Variants in ZNF45 observed in about 807,000 individuals in gnomAD.
ZNF45 encodes BRC1744.
ZNF45 carries 4 observed loss-of-function variants against 12.0 expected under a neutral mutation model. The observed-to-expected ratio is 0.33, with a 90% CI of 0.16 to 0.76. ZNF45 has a LOEUF of 0.76. Among genes scored for constraint, ZNF45 ranks in the 30% least tolerant of loss-of-function variants. The pLI is 0.60. For missense variants in ZNF45, 700 were observed against 813.0 expected (o/e 0.86, Z 1.69); for synonymous variants, 272 against 279.6 (o/e 0.97, Z 0.27).
intron 9 of ZNF45, among the ~76,000 whole-genome samples, chr19:43,916,861 C>T (rs1972724219): frequency 6.6e-6 from 1 of 151,648 alleles, no homozygotes; most frequent in South Asian, 2.1e-4. Context: ...TCATGCTGAT[C>T]ACAAAATCAT....
At chr19:43,931,637 A>G (rs1171561321) in intron 3 of ZNF45, among the ~76,000 whole-genome samples, 2 of 152,196 alleles carry the variant, frequency 1.3e-5, no homozygotes, top group African/African-American at 2.4e-5. Context: ...TTTAGTCTAT[A>G]ATACACAGAG....
At position 43,913,486 on chromosome 19, in the gene ZNF45, A is replaced by G. The variant is rs1289095128; in HGVS notation, c.1950T>C (p.Ser650=). The part of the protein sequence containing the change: ...YKCEECGKGF[S]WSSSLIIHQR... The stretch of plus-strand genomic sequence containing the variant: ...GATGAATGATAAGACTTGAGCTCCA[A>G]CTGAAGCCCTTCCCACACTCCTCAC... The change falls in exon 10 of 10, where the codon AGT becomes AGC. Residue 650 remains serine (S), a synonymous_variant. Coordinates refer to ENST00000269973, the MANE Select transcript of ZNF45 (RefSeq NM_003425.4). The G allele has an allele frequency of 6.2e-7, 1 of 1,613,632 alleles. No individual in the cohort carries two copies. The highest frequency in any genetic ancestry group is 1.1e-5 in the South Asian group (1 of 91,010).
At position 43,914,475 on chromosome 19, in the gene ZNF45, C is replaced by G; in HGVS notation, c.961G>C (p.Ala321Pro). The G allele has an allele frequency of 1.2e-6, 2 of 1,613,036 alleles. No individual in the cohort carries two copies. Among genetic ancestry groups the G allele is most frequent in the South Asian group, 2.2e-5 (2 of 90,932 alleles). ...TCGCCAGTGTGGATTCGCTCATGAG[C>G]CTGCAGTCGTGAACGCCAACTGAAG... ...KSFSWRSRLQ[A>P]HERIHTGEKP... Residue 321 changes from alanine to proline, a missense_variant, in exon 10 of 10, where the codon GCT becomes CCT. By Grantham distance (27) the Ala-to-Pro change is conservative. Coordinates refer to ENST00000269973, the MANE Select transcript of ZNF45 (RefSeq NM_003425.4).
chr19:43,918,628 G>A (rs555896155), intron 9 of ZNF45, among the ~76,000 whole-genome samples: 3 of 152,186 alleles, frequency 2.0e-5, no homozygotes, highest in South Asian at 2.1e-4. Context: ...ATAAAATTCC[G>A]TTGTTTATAA....
intron 8 of ZNF45, 88 bp from the exon 9 acceptor site, chr19:43,919,050 G>C: frequency 9.3e-7 from 1 of 1,069,714 alleles, no homozygotes; most frequent in Non-Finnish European, 1.4e-6. Flanking sequence ...ATCGTCTTCA[G>C]GACATCAAAC....
chr19:43,913,344 T>G lies in ZNF45; in HGVS notation c.*43A>C. ...ATGTTTTGTCTATGATAGCTCTGAT[T>G]ATTAAAATATTTCAGCACCCATCTG... On this transcript the variant is annotated 3_prime_UTR_variant, in exon 10 of 10. Transcript: ENST00000269973. 2.0e-6 allele frequency: 3 copies of G among 1,517,526 alleles called. No individual in the cohort carries two copies. The highest frequency in any genetic ancestry group is 2.6e-6 in the Non-Finnish European group (3 of 1,134,908). 94.0% of individuals were successfully genotyped at this position (1,517,526 alleles called of 1,614,324 possible). A position where few individuals can be genotyped will look rare whatever the true frequency, so the allele number is the denominator to read the frequency against.
chr19:43,930,385 G>C (rs1254549196), intron 3 of ZNF45, among the ~76,000 whole-genome samples: 1 of 152,200 alleles, frequency 6.6e-6, no homozygotes, highest in Non-Finnish European at 1.5e-5. Context: ...GGGGTGAATA[G>C]GTGACCAGAA....
intron 3 of ZNF45, among the ~76,000 whole-genome samples, chr19:43,930,627 C>T (rs1974059040): frequency 6.6e-6 from 1 of 152,146 alleles, no homozygotes; most frequent in East Asian, 1.9e-4. Flanking sequence ...GTATAAGATG[C>T]CCCTAGAGCT....
chr19:43,918,816 G>A, intron 9 of ZNF45, 54 bp downstream of exon 9: 1 of 1,518,536 alleles, frequency 6.6e-7, no homozygotes, highest in Non-Finnish European at 9.1e-7. Context: ...TGCCAACCTT[G>A]GAATATCTCC....
intron 6 of ZNF45, among the ~76,000 whole-genome samples, chr19:43,923,821 A>G (rs936416821): frequency 2.0e-5 from 3 of 152,152 alleles, no homozygotes; most frequent in African/African-American, 7.2e-5. Flanking sequence ...ACTGGTTTCT[A>G]AAAGGTATAA....
At chr19:43,929,180 G>A (rs1376707993) in intron 3 of ZNF45, among the ~76,000 whole-genome samples, 1 of 152,172 alleles carries the variant, frequency 6.6e-6, no homozygotes. Flanking sequence ...CTCGACAGTG[G>A]TTCTCAAACC....
intron 7 of ZNF45, among the ~76,000 whole-genome samples, chr19:43,920,822 G>A (rs1340051785): frequency 2.0e-5 from 3 of 151,802 alleles, no homozygotes; most frequent in Non-Finnish European, 4.4e-5. Context: ...GGCTGGTCTC[G>A]AACTCCTGAC....
chr19:43,916,447 T>G (rs181912539), intron 9 of ZNF45, among the ~76,000 whole-genome samples: 1 of 152,154 alleles, frequency 6.6e-6, no homozygotes, highest in East Asian at 1.9e-4. Flanking sequence ...CAATATCAGA[T>G]AGTAAATTCT....
In ZNF45 at chr19:43,918,982, T is replaced by A; in HGVS notation, c.143-20A>T. On this transcript the variant is annotated intron_variant, in intron 8 of 9. Transcript: ENST00000269973. ...GATGCCCTGTGAAAAGGCAAGGACATAGGTTTATAATTAATACATCAGAAG... is the reference window on the plus strand; with the variant it reads ...GATGCCCTGTGAAAAGGCAAGGACAAAGGTTTATAATTAATACATCAGAAG... 3 of 1,607,062 alleles carry A rather than the reference T, an allele frequency of 1.9e-6. No individual in the cohort carries two copies. The highest frequency in any genetic ancestry group is 2.6e-6 in the Non-Finnish European group (3 of 1,174,072).
intron 3 of ZNF45, among the ~76,000 whole-genome samples, chr19:43,928,013 TA>T (rs924353997): frequency 3.3e-4 from 48 of 144,938 alleles, no homozygotes; most frequent in Non-Finnish European, 3.5e-4. Flanking sequence ...TGTCTCTACT[TA>T]AAAAAAAAAA....
chr19:43,913,762 A>G lies in ZNF45; in HGVS notation c.1674T>C (p.Cys558=), dbSNP rs1325866395. ...GACAGAAGCCCTTCCCACACTCCTC[A>G]CATTGATAGGGTTTCTCTCCAGTGT... is the stretch of plus-strand genomic sequence containing the variant. The part of the protein sequence containing the change: ...RCHTGEKPYQ[C]EECGKGFCRA... Residue 558 remains cysteine, a synonymous_variant, in exon 10 of 10, where the codon TGT becomes TGC. Transcript: ENST00000269973. The G allele has an allele frequency of 6.8e-6, 11 of 1,613,898 alleles. No homozygotes were observed. The highest frequency in any genetic ancestry group is 1.3e-5 in the African/African-American group (1 of 74,912).
chr19:43,916,784 C>T (rs1222367249), intron 9 of ZNF45, among the ~76,000 whole-genome samples: 3 of 151,982 alleles, frequency 2.0e-5, no homozygotes, highest in Admixed American at 1.3e-4. Context: ...CTGGAAAGAG[C>T]GATTCTTCTG....
At position 43,914,877 on chromosome 19, in the gene ZNF45, C is replaced by A. The variant is rs1047452; in HGVS notation, c.559G>T (p.Ala187Ser). The A allele has an allele frequency of 6.2e-7, 1 of 1,613,450 alleles. No homozygotes were observed. Among genetic ancestry groups the A allele is most frequent in the Non-Finnish European group, 8.5e-7 (1 of 1,179,470 alleles). ...SHLQINQRAHAGEKPYKCEKC... is the reference protein window; with the variant it reads ...SHLQINQRAHSGEKPYKCEKC... ...TCACATTTGTAGGGCTTCTCTCCTG[C>A]ATGAGCCCTTTGGTTAATTTGAAGA... The change falls in exon 10 of 10, where the codon GCA (alanine) becomes TCA (serine). Residue 187 changes from alanine to serine, a missense_variant. Physicochemically the swap from Ala to Ser is moderately conservative, Grantham distance 99 (BLOSUM62 1). Coordinates refer to ENST00000269973, the MANE Select transcript of ZNF45 (RefSeq NM_003425.4).
chr19:43,914,628 G>A lies in ZNF45; in HGVS notation c.808C>T (p.His270Tyr), dbSNP rs772551738. The A allele has an allele frequency of 1.9e-6, 3 of 1,613,600 alleles. No homozygotes were observed. Among genetic ancestry groups the A allele is most frequent in the African/African-American group, 1.3e-5 (1 of 74,920 alleles). ...CATTTATAGGGTTTCTCTCCCGTATGAACTATCAGAGGAGCTTGACAATGT... is the reference window on the plus strand; with the variant it reads ...CATTTATAGGGTTTCTCTCCCGTATAAACTATCAGAGGAGCTTGACAATGT... ...SSHCQAPLIV[H>Y]TGEKPYKCEE... Residue 270 changes from histidine (H) to tyrosine (Y), a missense_variant, in exon 10 of 10, where the codon CAT (histidine) becomes TAT (tyrosine). Physicochemically the swap from His to Tyr is moderately conservative, Grantham distance 83. Coordinates refer to ENST00000269973, the MANE Select transcript of ZNF45 (RefSeq NM_003425.4).
Sources: gnomAD v4.1 joint callset for allele counts (sites outside exome capture counted in the v4.1 genomes callset) on GRCh38, gnomAD v4.1.1 for gene constraint, MANE v1.5 for transcripts, NCBI Gene and HGNC (gene_info 2026-07-23, HGNC 2026-07-21) for gene names.